The following MAF variants were observed in gnomAD, a reference collection of about 807,000 sequenced individuals.
MAF encodes the protein MAF bZIP transcription factor.
MAF carries 10 observed loss-of-function variants against 22.0 expected under a neutral mutation model. That is an observed-to-expected ratio of 0.45 (90% CI 0.28 to 0.77). The LOEUF is 0.77. Among genes scored for constraint, MAF ranks in the 30% least tolerant of loss-of-function variants. The pLI is 0.12. For synonymous variants in MAF, 337 were observed against 255.8 expected (o/e 1.32, Z -3.03); for missense variants, 544 against 548.4 (o/e 0.99, Z 0.08).
chr16:79,567,272 C>A, the MAF span, among the ~76,000 whole-genome samples: 11 of 151,994 alleles, frequency 7.2e-5, no homozygotes, highest in African/African-American at 2.4e-4. Context: ...GAGCCAAGAT[C>A]GTGCCATTGC....
At chr16:79,339,311 G>A in the MAF span, among the ~76,000 whole-genome samples, 55 of 152,238 alleles carry the variant, frequency 3.6e-4, no homozygotes, top group African/African-American at 1.1e-3. Context: ...CGCCTGCCTC[G>A]GCCTCCCAGA....
the MAF span, among the ~76,000 whole-genome samples, chr16:79,478,243 G>A: frequency 1.3e-5 from 2 of 152,198 alleles, no homozygotes; most frequent in African/African-American, 4.8e-5. Flanking sequence ...CTTGAGCGAG[G>A]CCTTGTGATT....
the MAF span, among the ~76,000 whole-genome samples, chr16:79,543,492 G>A: frequency 6.6e-6 from 1 of 152,184 alleles, no homozygotes; most frequent in African/African-American, 2.4e-5. Flanking sequence ...ATGTTCTCAA[G>A]ATGGCGGGCA....
chr16:79,485,987 T>C, the MAF span, among the ~76,000 whole-genome samples: 4 of 152,236 alleles, frequency 2.6e-5, no homozygotes, highest in Non-Finnish European at 5.9e-5. Context: ...TCTGGACCAC[T>C]GTGGATAATG....
the MAF span, among the ~76,000 whole-genome samples, chr16:79,495,386 C>T: frequency 6.6e-6 from 1 of 152,010 alleles, no homozygotes; most frequent in East Asian, 1.9e-4. Flanking sequence ...TCACTTGAGC[C>T]CAGGAGGTCA....
chr16:79,445,115 G>C, the MAF span, among the ~76,000 whole-genome samples: 6 of 152,004 alleles, frequency 3.9e-5, no homozygotes, highest in South Asian at 2.1e-4. Flanking sequence ...CTCACTGCAA[G>C]CTCCTCCTCC....
At chr16:79,456,782 A>G in the MAF span, among the ~76,000 whole-genome samples, 2 of 152,214 alleles carry the variant, frequency 1.3e-5, no homozygotes, top group South Asian at 2.1e-4. Context: ...GAAGTGGTCT[A>G]TTCCTGGAGT....
At chr16:79,365,761 A>G in the MAF span, among the ~76,000 whole-genome samples, 1 of 151,956 alleles carries the variant, frequency 6.6e-6, no homozygotes, top group African/African-American at 2.4e-5. Context: ...CAAATATCTC[A>G]TGGGGTGAAG....
the MAF span, among the ~76,000 whole-genome samples, chr16:79,393,956 A>G: frequency 2.0e-5 from 3 of 152,212 alleles, no homozygotes; most frequent in South Asian, 6.2e-4. Context: ...CAGTGCAAAG[A>G]ACATTGTATG....
chr16:79,474,399 T>A, the MAF span, among the ~76,000 whole-genome samples: 1 of 152,114 alleles, frequency 6.6e-6, no homozygotes, highest in Non-Finnish European at 1.5e-5. Flanking sequence ...TATTAAATGG[T>A]GAGAGATGGC....
the MAF span, among the ~76,000 whole-genome samples, chr16:79,320,487 T>C: frequency 6.6e-6 from 1 of 152,210 alleles, no homozygotes; most frequent in Admixed American, 6.5e-5. Flanking sequence ...CTGTGGGCTC[T>C]GAGGGCAGCA....
At chr16:79,507,303 A>G in the MAF span, among the ~76,000 whole-genome samples, 4 of 150,208 alleles carry the variant, frequency 2.7e-5, no homozygotes, top group African/African-American at 9.8e-5. Context: ...TTTTTAGTGG[A>G]GACCAGGTTT....
the MAF span, among the ~76,000 whole-genome samples, chr16:79,220,957 G>A: frequency 5.9e-5 from 9 of 152,278 alleles, no homozygotes; most frequent in East Asian, 5.8e-4. Flanking sequence ...TCTCTTTCCC[G>A]TCTGGAACCA....
chr16:79,381,903 A>T, the MAF span, among the ~76,000 whole-genome samples: 3 of 152,106 alleles, frequency 2.0e-5, no homozygotes, highest in Non-Finnish European at 2.9e-5. Context: ...AAGACGAGAG[A>T]AAGGTTTGAA....
the MAF span, among the ~76,000 whole-genome samples, chr16:79,330,157 A>G: frequency 6.6e-6 from 1 of 152,072 alleles, no homozygotes; most frequent in Non-Finnish European, 1.5e-5. Flanking sequence ...ATATCCCAAG[A>G]GGGCAAAGGT....
the MAF span, among the ~76,000 whole-genome samples, chr16:79,528,775 G>A: frequency 6.6e-6 from 1 of 152,088 alleles, no homozygotes; most frequent in East Asian, 1.9e-4. Context: ...CCAAAACCCT[G>A]AAAATGAAAT....
chr16:79,391,223 T>C, the MAF span, among the ~76,000 whole-genome samples: 3 of 152,200 alleles, frequency 2.0e-5, no homozygotes, highest in African/African-American at 7.2e-5. Flanking sequence ...CCTGGTTCCC[T>C]CATCTATACA....
At chr16:79,284,044 C>T in the MAF span, among the ~76,000 whole-genome samples, 2 of 150,108 alleles carry the variant, frequency 1.3e-5, no homozygotes, top group Non-Finnish European at 3.0e-5. Flanking sequence ...CACAAATTTA[C>T]ACTTACCATG....
chr16:79,369,694 T>C, the MAF span, among the ~76,000 whole-genome samples: 1 of 152,220 alleles, frequency 6.6e-6, no homozygotes, highest in Non-Finnish European at 1.5e-5. Context: ...CACTGAGAAA[T>C]CAGCCTAATG....
Sources: gnomAD v4.1 joint callset for allele counts (sites outside exome capture counted in the v4.1 genomes callset) on GRCh38, gnomAD v4.1.1 for gene constraint, MANE v1.5 for transcripts, NCBI Gene and HGNC (gene_info 2026-07-23, HGNC 2026-07-21) for gene names.